The following LAMA1 variants were observed in gnomAD, a reference collection of about 807,000 sequenced individuals.
LAMA1 encodes the protein laminin subunit alpha 1.
LAMA1 carries 219 observed loss-of-function variants against 348.7 expected under a neutral mutation model. That is an observed-to-expected ratio of 0.63 (90% confidence interval 0.56 to 0.70). LAMA1 has a LOEUF of 0.70. LAMA1 is among the 30% of genes least tolerant of loss of function. The probability of loss-of-function intolerance (pLI) is 0.00; values close to 1 mark genes in which losing one functional copy is unlikely to be tolerated. For missense variants in LAMA1, 3,744 were observed against 3,888.0 expected, an observed-to-expected ratio of 0.96 and a Z score of 0.99; for synonymous variants, 1,487 against 1,491.0, an observed-to-expected ratio of 1.00 and a Z score of 0.06.
chr18:7,034,742 A>C (rs774020220), intron 13 of LAMA1, 52 bp from the exon 14 acceptor site: 1 of 1,528,388 alleles, frequency 6.5e-7, no homozygotes, highest in Admixed American at 1.7e-5. Context: ...TTAATGATAA[A>C]ATAAAAATAA....
intron 36 of LAMA1, among the ~76,000 whole-genome samples, chr18:6,990,567 C>T (rs1020989300): frequency 6.6e-6 from 1 of 152,122 alleles, no homozygotes; most frequent in African/African-American, 2.4e-5. Flanking sequence ...AGTGTGCAGT[C>T]GGGGCTGCAG....
chr18:7,117,286 G>A (rs563999434), intron 1 of LAMA1, among the ~76,000 whole-genome samples: 2 of 150,620 alleles, frequency 1.3e-5, no homozygotes, highest in South Asian at 4.2e-4. Context: ...CGCGCAGCCG[G>A]GGCACTAAAA....
Position 7,015,937 on chromosome 18 carries a change from T to C in LAMA1, c.2990-79A>G, listed in dbSNP as rs1600395262. 1.9e-6 allele frequency: 3 copies of C among 1,562,096 alleles called. No homozygotes were observed. In the East Asian group the frequency reaches 6.7e-5, roughly 35 times the overall value. Reference sequence around the variant, plus strand: ...TAAGAGCTGATGCTGTTATTTCCCTTTTATTAAGAGTCCAAGCCACTCTTC... The same window carrying C: ...TAAGAGCTGATGCTGTTATTTCCCTCTTATTAAGAGTCCAAGCCACTCTTC... On this transcript the variant is annotated intron_variant, in intron 21 of 62. Coordinates refer to ENST00000389658, the MANE Select transcript of LAMA1 (RefSeq NM_005559.4).
rs187641845 is a variant in LAMA1 at position 7,055,010 on chromosome 18, C to T, written c.346-4074G>A. On this transcript the variant is annotated intron_variant, in intron 3 of 62. Transcript: ENST00000389658. ...AGCAAGGCTTCAAGTCAATAATAGG[C>T]TATTAGTAGTTAAGTCTTTTACGGA... 5.4e-4 allele frequency among the ~76,000 whole-genome samples: 82 copies of T among 152,030 alleles called. No homozygotes were observed. In the Middle Eastern group the frequency reaches 0.017, roughly 32 times the overall value.
At chr18:6,980,679 CA>C in intron 41 of LAMA1, 42 bp from the exon 42 acceptor site, 1 of 1,309,980 alleles carries the variant, frequency 7.6e-7, no homozygotes. Flanking sequence ...GGTTAGCCTA[CA>C]AAAAAGTTGC....
chr18:6,961,907 T>A, intron 52 of LAMA1, 38 bp downstream of exon 52: 3 of 1,581,386 alleles, frequency 1.9e-6, no homozygotes, highest in Non-Finnish European at 2.6e-6. Flanking sequence ...TGGACACTTA[T>A]GGAAACTCAT....
rs540192064 is a variant in LAMA1, at chr18:7,037,504, G to C, written c.1737+74C>G. On this transcript the variant is annotated intron_variant, in intron 12 of 62. Coordinates refer to ENST00000389658, the MANE Select transcript of LAMA1 (RefSeq NM_005559.4). The stretch of plus-strand genomic sequence containing the variant: ...GCCCTATGAGACTACCTAAAATGCA[G>C]GCAGCGCAAGTTCTTTCTCAGTGTT... 14 of 1,554,182 alleles carry C rather than the reference G, an allele frequency of 9.0e-6. No individual in the cohort carries two copies. In the African/African-American group the frequency reaches 1.9e-4, roughly 21 times the overall value.
At chr18:7,011,918 G>A in intron 24 of LAMA1, 77 bp downstream of exon 24, 1 of 1,506,056 alleles carries the variant, frequency 6.6e-7, no homozygotes, top group Non-Finnish European at 9.0e-7. Flanking sequence ...GTGAACACTT[G>A]GCTGTGTTTC....
chr18:6,979,506 A>G (rs1265497218), intron 42 of LAMA1, among the ~76,000 whole-genome samples: 5 of 152,242 alleles, frequency 3.3e-5, no homozygotes, highest in Non-Finnish European at 5.9e-5. Context: ...GGTCTCTATA[A>G]AACAATTGAA....
At chr18:7,098,970 T>C (rs1204798236) in intron 1 of LAMA1, among the ~76,000 whole-genome samples, 49 of 152,020 alleles carry the variant, frequency 3.2e-4, no homozygotes, top group East Asian at 7.8e-4. Flanking sequence ...GGAGGTGTAC[T>C]CAACAGCTCA....
At chr18:6,992,481 A>G (rs2057762984) in intron 36 of LAMA1, 80 bp downstream of exon 36, 7 of 1,492,938 alleles carry the variant, frequency 4.7e-6, no homozygotes, top group Middle Eastern at 1.7e-4. Flanking sequence ...TTCTTCCACG[A>G]TGCCTCCTTC....
intron 30 of LAMA1, among the ~76,000 whole-genome samples, chr18:7,001,273 C>T (rs2057806393): frequency 6.6e-6 from 1 of 152,002 alleles, no homozygotes; most frequent in Non-Finnish European, 1.5e-5. Context: ...AGGAATGTAA[C>T]ACAATGTATA....
intron 4 of LAMA1, among the ~76,000 whole-genome samples, chr18:7,050,106 G>T (rs1360346064): frequency 6.6e-6 from 1 of 152,204 alleles, no homozygotes; most frequent in African/African-American, 2.4e-5. Context: ...CACAAAGCCT[G>T]AATGATACAG....
At chr18:6,972,322 C>G (rs1443929902) in intron 47 of LAMA1, 5 of 345,126 alleles carry the variant, frequency 1.4e-5, no homozygotes, top group Non-Finnish European at 2.8e-5. Context: ...CACTTCAGAG[C>G]ATTGAACCAG....
chr18:7,096,196 C>G (rs2058260572), intron 1 of LAMA1, among the ~76,000 whole-genome samples: 1 of 152,208 alleles, frequency 6.6e-6, no homozygotes, highest in Non-Finnish European at 1.5e-5. Flanking sequence ...GTTCTCCAAT[C>G]CGGAATACTG....
chr18:7,008,631 G>C (rs772889764), intron 27 of LAMA1, 23 bp from the exon 28 acceptor site: 2 of 1,613,276 alleles, frequency 1.2e-6, no homozygotes, highest in Non-Finnish European at 1.7e-6. Flanking sequence ...CATGTTAAGA[G>C]AGGAAACGCT....
At chr18:6,952,971 G>A (rs1351189322) in intron 57 of LAMA1, among the ~76,000 whole-genome samples, 2 of 144,586 alleles carry the variant, frequency 1.4e-5, no homozygotes, top group African/African-American at 2.7e-5. Flanking sequence ...ATGTCTGCCT[G>A]TGTCCGGCGG....
intron 26 of LAMA1, 80 bp from the exon 27 acceptor site, chr18:7,009,446 T>G: frequency 6.7e-7 from 1 of 1,489,482 alleles, no homozygotes; most frequent in Admixed American, 1.8e-5. Flanking sequence ...ATAAATTCTT[T>G]TATAAATTTC....
In LAMA1 at chr18:7,085,628, C is replaced by G. The variant is rs988714861; in HGVS notation, c.62-5171G>C. On this transcript the variant is annotated intron_variant, in intron 1 of 62. Transcript: ENST00000389658. Reference sequence around the variant, plus strand: ...AGAGATGGGGTTTCACCACGTTAGCCAGGATGGTCTCGATCTCCTGACTTC... The same window carrying G: ...AGAGATGGGGTTTCACCACGTTAGCGAGGATGGTCTCGATCTCCTGACTTC... Among the ~76,000 whole-genome samples the G allele has an allele frequency of 2.0e-5, 3 of 151,980 alleles. No individual in the cohort carries two copies. The South Asian group carries it at 6.2e-4, about 32-fold the overall frequency.
Sources: allele counts gnomAD v4.1 joint callset (sites outside exome capture counted in the v4.1 genomes callset), GRCh38; gene constraint gnomAD v4.1.1; transcripts MANE v1.5; gene names NCBI Gene and HGNC (gene_info 2026-07-23, HGNC 2026-07-21).